Variants in ZNF469 observed in about 807,000 individuals in gnomAD.
ZNF469 encodes zinc finger protein 469.
ZNF469 carries 1 observed loss-of-function variant against 1.0 expected under a neutral mutation model. The ratio of observed to expected loss-of-function variants is 1.00; its 90% CI spans 0.35 to 4.73. The LOEUF is 4.73. Among genes scored for constraint, ZNF469 ranks in the 30% most tolerant of loss-of-function variants. The pLI, the probability that ZNF469 is intolerant of heterozygous loss-of-function variation, is 0.16. For synonymous variants in ZNF469, 2,703 were observed against 2,363.4 expected (o/e 1.14, Z -4.17); for missense variants, 6,100 against 5,356.3 (o/e 1.14, Z -4.33).
At chr16:88,132,975 G>A in the ZNF469 span, among the ~76,000 whole-genome samples, 5,040 of 151,998 alleles carry the variant, frequency 0.033, no homozygotes, top group African/African-American at 0.11. Context: ...GCCACTCCAG[G>A]TAGGCACAGG....
the ZNF469 span, among the ~76,000 whole-genome samples, chr16:88,179,181 C>T: frequency 5.9e-5 from 9 of 152,162 alleles, no homozygotes; most frequent in Non-Finnish European, 1.2e-4. Flanking sequence ...CCCTCCACAT[C>T]TCATGTTGAA....
At chr16:88,383,803 CT>C (rs1599341994) in intron 1 of ZNF469, among the ~76,000 whole-genome samples, 1 of 152,244 alleles carries the variant, frequency 6.6e-6, no homozygotes, top group African/African-American at 2.4e-5. Context: ...GGGGTGGGAG[CT>C]TTGGAGCCCA....
At chr16:88,290,107 A>G in the ZNF469 span, among the ~76,000 whole-genome samples, 1 of 152,236 alleles carries the variant, frequency 6.6e-6, no homozygotes, top group Non-Finnish European at 1.5e-5. Flanking sequence ...TCTGTAGCTC[A>G]GTCCCTCTGA....
At chr16:88,327,962 C>G in the ZNF469 span, among the ~76,000 whole-genome samples, 2 of 152,250 alleles carry the variant, frequency 1.3e-5, no homozygotes, top group African/African-American at 4.8e-5. Flanking sequence ...CGGCTGCACA[C>G]CCACCTGCTG....
chr16:88,387,405 G>C (rs943605911), intron 1 of ZNF469, among the ~76,000 whole-genome samples: 2 of 152,264 alleles, frequency 1.3e-5, no homozygotes, highest in African/African-American at 4.8e-5. Context: ...GGTGCCGGGG[G>C]ACTCGGGCCG....
the ZNF469 span, among the ~76,000 whole-genome samples, chr16:88,276,886 C>A: frequency 0.099 from 14,963 of 151,392 alleles, 2,307 homozygotes; most frequent in African/African-American, 0.34. Flanking sequence ...TCGGTCAGTA[C>A]CATGTAGATA....
the ZNF469 span, among the ~76,000 whole-genome samples, chr16:88,181,072 ACTTT>A: frequency 9.8e-3 from 1,347 of 136,942 alleles, 21 homozygotes; most frequent in African/African-American, 0.037. Context: ...CAGAATACAC[ACTTT>A]TTTTTTTTTT....
chr16:88,397,332 A>G (rs1904714798), intron 1 of ZNF469, among the ~76,000 whole-genome samples: 1 of 152,228 alleles, frequency 6.6e-6, no homozygotes, highest in African/African-American at 2.4e-5. Flanking sequence ...GACCTGGGAC[A>G]GGGTCAGTCC....
At chr16:88,198,597 G>C in the ZNF469 span, among the ~76,000 whole-genome samples, 1 of 152,226 alleles carries the variant, frequency 6.6e-6, no homozygotes, top group Non-Finnish European at 1.5e-5. Flanking sequence ...AGCAGTGACA[G>C]GGCAGGCCCA....
chr16:88,431,075 C>T lies in ZNF469; in HGVS notation c.3605C>T (p.Pro1202Leu), dbSNP rs1474024240. 6.5e-7 allele frequency: 1 copy of T among 1,549,756 alleles called. No homozygotes were observed. The highest frequency in any genetic ancestry group is 1.4e-5 in the African/African-American group (1 of 73,014). The change falls in exon 3 of 3, where the codon CCC (proline) becomes CTC (leucine). Residue 1202 changes from proline to leucine, a missense_variant. Pro to Leu is a moderately conservative substitution (Grantham distance 98). Transcript: ENST00000565624. ...ADRPSVAPKDPLQVPTNTETS... is the reference protein window; with the variant it reads ...ADRPSVAPKDLLQVPTNTETS... ...CGCCCCTCAGTGGCCCCCAAGGATCCCCTGCAGGTCCCCACCAACACCGAG... is the reference window on the plus strand; with the variant it reads ...CGCCCCTCAGTGGCCCCCAAGGATCTCCTGCAGGTCCCCACCAACACCGAG...
At chr16:88,327,270 C>G in the ZNF469 span, among the ~76,000 whole-genome samples, 1 of 152,116 alleles carries the variant, frequency 6.6e-6, no homozygotes, top group Admixed American at 6.5e-5. Flanking sequence ...TTCTCTGGGT[C>G]TGCCTCTCCA....
chr16:88,436,258 G>T lies in ZNF469; in HGVS notation c.8788G>T (p.Asp2930Tyr), dbSNP rs76792613. The T allele has an allele frequency of 2.2e-3, 3,483 of 1,549,818 alleles. 9 individuals carry two copies. The highest frequency in any genetic ancestry group is 2.9e-3 in the Non-Finnish European group (3,276 of 1,146,876). Residue 2930 changes from aspartate to tyrosine, a missense_variant, in exon 3 of 3, where the codon GAT becomes TAT. Transcript: ENST00000565624. ...CCATGAGGACCCGTGGGAGGACGAG[G>T]ATCCCGCAGGTCTGCCCGAGTCCTT... ...LCHEDPWEDE[D>Y]PAGLPESFLL...
chr16:88,353,024 C>G, the ZNF469 span, among the ~76,000 whole-genome samples: 1 of 152,152 alleles, frequency 6.6e-6, no homozygotes, highest in African/African-American at 2.4e-5. Context: ...CAGGCAGGCC[C>G]CGGTGAGACT....
chr16:88,399,782 T>C (rs1272208329), intron 1 of ZNF469, among the ~76,000 whole-genome samples: 1 of 152,210 alleles, frequency 6.6e-6, no homozygotes, highest in Non-Finnish European at 1.5e-5. Context: ...AGTCCTTCCT[T>C]CTCACCCAAC....
the ZNF469 span, among the ~76,000 whole-genome samples, chr16:88,309,768 G>C: frequency 6.6e-6 from 1 of 152,100 alleles, no homozygotes; most frequent in African/African-American, 2.4e-5. Context: ...GTGCCCTCTC[G>C]GTGCCAGGGA....
At chr16:88,236,790 C>T in the ZNF469 span, among the ~76,000 whole-genome samples, 1 of 151,842 alleles carries the variant, frequency 6.6e-6, no homozygotes, top group African/African-American at 2.4e-5. Context: ...TCGCTTGAAC[C>T]TGGGAGGCGG....
intron 1 of ZNF469, among the ~76,000 whole-genome samples, chr16:88,392,388 C>T (rs1394608086): frequency 6.6e-6 from 1 of 152,256 alleles, no homozygotes; most frequent in Non-Finnish European, 1.5e-5. Context: ...CCTCCCCAGC[C>T]CAGCCTTCTC....
chr16:88,244,864 A>G, the ZNF469 span, among the ~76,000 whole-genome samples: 1 of 148,188 alleles, frequency 6.7e-6, no homozygotes, highest in Non-Finnish European at 1.5e-5. Flanking sequence ...AAGCAGAAAA[A>G]CTTATGGTCC....
chr16:88,239,715 ATTTTTTTTTTTTTT>A, the ZNF469 span, among the ~76,000 whole-genome samples: 7 of 6,788 alleles, frequency 1.0e-3, 2 homozygotes, highest in South Asian at 0.02. Context: ...ATATATATAT[ATTTTTTTTTTTTTT>A]TTTTTTTTTT....
Sources: gnomAD v4.1 joint callset for allele counts (sites outside exome capture counted in the v4.1 genomes callset) on GRCh38, gnomAD v4.1.1 for gene constraint, MANE v1.5 for transcripts, NCBI Gene and HGNC (gene_info 2026-07-23, HGNC 2026-07-21) for gene names.